The following FAP variants were observed in gnomAD, a reference collection of about 807,000 sequenced individuals.
FAP encodes fibroblast activation protein alpha, also known as prolyl endopeptidase FAP.
A neutral mutation model predicts 126.5 loss-of-function variants in FAP; 110 were observed. The observed-to-expected ratio is 0.87, with a 90% CI of 0.74 to 1.02. FAP has a LOEUF of 1.02. Among genes scored for constraint, FAP ranks in the 50% least tolerant of loss-of-function variants. FAP has a pLI of 0.00. For missense variants in FAP, 919 were observed against 909.2 expected (o/e 1.01, Z -0.14); for synonymous variants, 334 against 297.3 (o/e 1.12, Z -1.27).
chr2:162,176,548 T>A (rs1430278855), intron 21 of FAP: 5 of 152,176 alleles, frequency 3.3e-5, no homozygotes, highest in Non-Finnish European at 5.9e-5. Context: ...ACTTATAATT[T>A]AAAAAAATGA....
At chr2:162,177,327 A>G (rs1687521794) in intron 21 of FAP, among the ~76,000 whole-genome samples, 1 of 152,192 alleles carries the variant, frequency 6.6e-6, no homozygotes, top group South Asian at 2.1e-4. Flanking sequence ...ATAGGCAATA[A>G]TAATAACTAG....
chr2:162,223,682 A>G (rs753262677), intron 5 of FAP, 22 bp from the exon 6 acceptor site: 1 of 1,562,794 alleles, frequency 6.4e-7, no homozygotes, highest in Non-Finnish European at 8.8e-7. Flanking sequence ...AAGAAAGACA[A>G]AAAACAAATT....
intron 11 of FAP, among the ~76,000 whole-genome samples, chr2:162,212,409 C>T (rs1181342007): frequency 1.3e-5 from 2 of 152,166 alleles, no homozygotes; most frequent in African/African-American, 2.4e-5. Flanking sequence ...ATTAGTCTAT[C>T]CTTTCTTTGC....
At chr2:162,234,042 C>G (rs1690005794) in intron 2 of FAP, among the ~76,000 whole-genome samples, 1 of 152,186 alleles carries the variant, frequency 6.6e-6, no homozygotes, top group Non-Finnish European at 1.5e-5. Context: ...TCTGGACACT[C>G]AATTCTATTC....
intron 2 of FAP, among the ~76,000 whole-genome samples, chr2:162,232,342 G>T (rs752671428): frequency 6.6e-6 from 1 of 152,184 alleles, no homozygotes; most frequent in East Asian, 1.9e-4. Context: ...GAGCTAACTT[G>T]CCTAATACAT....
At chr2:162,197,588 A>G (rs1366336617) in intron 16 of FAP, 2 of 456,692 alleles carry the variant, frequency 4.4e-6, no homozygotes, top group Non-Finnish European at 8.8e-6. Flanking sequence ...GCTATCTTCA[A>G]GGGAGAATTT....
At chr2:162,187,069 C>A (rs555736732) in intron 20 of FAP, among the ~76,000 whole-genome samples, 5 of 151,796 alleles carry the variant, frequency 3.3e-5, no homozygotes, top group Admixed American at 1.3e-4. Flanking sequence ...TGTTTGTTCC[C>A]AGAATGAAAG....
Position 162,198,869 on chromosome 2 carries a change from T to A in FAP, c.1290A>T (p.Gly430=), listed in dbSNP as rs532866379. The change falls in exon 16 of 26, where the codon GGA becomes GGT. Residue 430 remains glycine, a synonymous_variant. Coordinates refer to ENST00000188790, the MANE Select transcript of FAP (RefSeq NM_004460.5). The stretch of plus-strand genomic sequence containing the variant: ...CACACTTCTTGCTTGGAGGATAGCT[T>A]CCAATGCTAATTCTAGAGGGAAATG... ...GRRNIYRISI[G]SYPPSKKCVT... 6.2e-7 allele frequency: 1 copy of A among 1,613,768 alleles called. No individual in the cohort carries two copies. Among genetic ancestry groups the A allele is most frequent in the African/African-American group, 1.3e-5 (1 of 75,030 alleles).
intron 8 of FAP, among the ~76,000 whole-genome samples, chr2:162,218,512 A>C (rs909393200): frequency 6.6e-6 from 1 of 152,062 alleles, no homozygotes; most frequent in Non-Finnish European, 1.5e-5. Context: ...AAACATTGAA[A>C]GTTACATTTC....
At chr2:162,205,267 A>G (rs1316670954) in intron 12 of FAP, among the ~76,000 whole-genome samples, 1 of 152,202 alleles carries the variant, frequency 6.6e-6, no homozygotes, top group Admixed American at 6.5e-5. Context: ...CATGATTCCT[A>G]CATTAGTTTC....
intron 7 of FAP, among the ~76,000 whole-genome samples, chr2:162,219,518 A>G (rs1037471271): frequency 6.6e-6 from 1 of 152,178 alleles, no homozygotes; most frequent in Non-Finnish European, 1.5e-5. Context: ...GAGTCCTTAA[A>G]TAAGAGCTTG....
At chr2:162,239,764 G>A (rs990394253) in intron 2 of FAP, among the ~76,000 whole-genome samples, 1 of 152,158 alleles carries the variant, frequency 6.6e-6, no homozygotes, top group Admixed American at 6.5e-5. Context: ...ACCATGTGGG[G>A]CACTCTATAC....
intron 12 of FAP, 61 bp from the exon 13 acceptor site, chr2:162,203,206 G>A: frequency 1.8e-6 from 2 of 1,139,794 alleles, no homozygotes; most frequent in Non-Finnish European, 2.6e-6. Flanking sequence ...CATAGATTTT[G>A]TTTTAATATA....
intron 4 of FAP, among the ~76,000 whole-genome samples, chr2:162,225,222 G>A (rs1689586663): frequency 6.6e-6 from 1 of 152,098 alleles, no homozygotes; most frequent in Non-Finnish European, 1.5e-5. Flanking sequence ...ACCTCAATTG[G>A]CTGACACTAA....
chr2:162,208,788 T>A (rs901603424), intron 12 of FAP, among the ~76,000 whole-genome samples: 3 of 151,710 alleles, frequency 2.0e-5, no homozygotes, highest in African/African-American at 7.3e-5. Context: ...TCCTGTGATA[T>A]TTAGGACAGT....
At chr2:162,243,205 T>G in intron 1 of FAP, 117 bp downstream of exon 1, 1 of 886,946 alleles carries the variant, frequency 1.1e-6, no homozygotes, top group Non-Finnish European at 1.8e-6. Flanking sequence ...TCCCAACCCA[T>G]TGAGGAAGTA....
chr2:162,190,291 T>C (rs1026838060), intron 17 of FAP, among the ~76,000 whole-genome samples: 7 of 152,112 alleles, frequency 4.6e-5, no homozygotes, highest in Admixed American at 3.3e-4. Flanking sequence ...TAATAAAGGA[T>C]ATTCTCCTGT....
chr2:162,174,164 C>T (rs1181710208), intron 22 of FAP, among the ~76,000 whole-genome samples: 1 of 152,108 alleles, frequency 6.6e-6, no homozygotes, highest in African/African-American at 2.4e-5. Flanking sequence ...AGGACTTTTA[C>T]TGGTGTCTTA....
intron 7 of FAP, 96 bp from the exon 8 acceptor site, chr2:162,219,279 A>G: frequency 8.5e-7 from 1 of 1,178,360 alleles, no homozygotes. Context: ...CAGAGTGGTA[A>G]TAAAGATACA....
Sources: gnomAD v4.1 joint callset for allele counts (sites outside exome capture counted in the v4.1 genomes callset) on GRCh38, gnomAD v4.1.1 for gene constraint, MANE v1.5 for transcripts, NCBI Gene and HGNC (gene_info 2026-07-23, HGNC 2026-07-21) for gene names.